C12orf42: variants seen among roughly 807,000 people sequenced by gnomAD.
The protein encoded by C12orf42 is uncharacterized protein C12orf42.
In C12orf42, 25 loss-of-function variants were observed where a neutral mutation model predicts 21.6. The ratio of observed to expected loss-of-function variants is 1.16; its 90% CI spans 0.84 to 1.62. C12orf42 has a LOEUF of 1.62. Ranked by LOEUF, C12orf42 falls within the 40% of genes most tolerant of loss-of-function variation. The pLI, the probability that C12orf42 is intolerant of heterozygous loss-of-function variation, is 0.00. For synonymous variants in C12orf42, 174 were observed against 175.0 expected (o/e 0.99, Z 0.05); for missense variants, 483 against 459.3 (o/e 1.05, Z -0.47).
At chr12:103,215,305 A>G in the C12orf42 span, among the ~76,000 whole-genome samples, 3 of 151,958 alleles carry the variant, frequency 2.0e-5, no homozygotes, top group East Asian at 5.8e-4. Context: ...TACATATATT[A>G]ATATTAATAC....
At chr12:103,294,583 G>GGAAGGAAAGAAAGAAAAA (rs1300203895) in intron 4 of C12orf42, among the ~76,000 whole-genome samples, 102 of 80,356 alleles carry the variant, frequency 1.3e-3, no homozygotes, top group African/African-American at 5.0e-3. Context: ...AAGGAAGGAA[G>GGAAGGAAAGAAAGAAAAA]GAAAGAAAGA....
chr12:103,541,784 C>T, the C12orf42 span, among the ~76,000 whole-genome samples: 1 of 151,692 alleles, frequency 6.6e-6, no homozygotes, highest in South Asian at 2.1e-4. Flanking sequence ...TCATTATGGC[C>T]CCTAATTGTA....
chr12:103,391,735 A>G (rs1257250096), intron 3 of C12orf42, among the ~76,000 whole-genome samples: 1 of 151,526 alleles, frequency 6.6e-6, no homozygotes, highest in African/African-American at 2.4e-5. Flanking sequence ...GTGTGTATAT[A>G]TATATGATTG....
At chr12:103,112,914 A>G in the C12orf42 span, among the ~76,000 whole-genome samples, 1 of 152,150 alleles carries the variant, frequency 6.6e-6, no homozygotes. Flanking sequence ...GCCTACTTCT[A>G]ATCACCTCAC....
the C12orf42 span, among the ~76,000 whole-genome samples, chr12:103,531,710 T>C: frequency 2.0e-5 from 3 of 152,190 alleles, no homozygotes; most frequent in African/African-American, 7.2e-5. Flanking sequence ...TAAATTCCCA[T>C]CCAGTATCAA....
intron 4 of C12orf42, among the ~76,000 whole-genome samples, chr12:103,325,732 T>G (rs976745854): frequency 6.6e-6 from 1 of 152,240 alleles, no homozygotes; most frequent in Middle Eastern, 3.2e-3. Context: ...TCCTTTGCAC[T>G]GTGACATTGC....
chr12:103,547,174 T>A, the C12orf42 span, among the ~76,000 whole-genome samples: 1 of 152,216 alleles, frequency 6.6e-6, no homozygotes, highest in Non-Finnish European at 1.5e-5. Flanking sequence ...GCAAACAGTA[T>A]GTTTCCTTCC....
the C12orf42 span, among the ~76,000 whole-genome samples, chr12:103,190,055 C>G: frequency 6.6e-6 from 1 of 151,980 alleles, no homozygotes; most frequent in Non-Finnish European, 1.5e-5. Flanking sequence ...AAGGCAATGT[C>G]CCATCATAGG....
At chr12:103,471,135 A>C (rs893908837) in intron 2 of C12orf42, among the ~76,000 whole-genome samples, 2 of 152,094 alleles carry the variant, frequency 1.3e-5, no homozygotes, top group African/African-American at 4.8e-5. Flanking sequence ...TCCTTACTCA[A>C]CTTGTGGGCT....
chr12:103,049,898 C>T, the C12orf42 span, among the ~76,000 whole-genome samples: 3 of 152,156 alleles, frequency 2.0e-5, no homozygotes, highest in Non-Finnish European at 4.4e-5. Flanking sequence ...CAGCTCCCAC[C>T]CTCTACCCCA....
intron 10 of C12orf42, among the ~76,000 whole-genome samples, chr12:103,240,674 A>C (rs1332850483): frequency 2.0e-4 from 30 of 151,910 alleles, no homozygotes; most frequent in Admixed American, 2.0e-3. Context: ...CTCAAAATTC[A>C]CTCCAATATT....
At chr12:103,496,896 G>A (rs1306657165), upstream of C12orf42, among the ~76,000 whole-genome samples, 1 of 150,448 alleles carries the variant, frequency 6.6e-6, no homozygotes, top group African/African-American at 2.4e-5. Flanking sequence ...CTCTTGGGAA[G>A]CCAACAGCCT....
At chr12:103,277,428 T>C (rs1178833673) in intron 4 of C12orf42, among the ~76,000 whole-genome samples, 1 of 152,134 alleles carries the variant, frequency 6.6e-6, no homozygotes, top group African/African-American at 2.4e-5. Flanking sequence ...GCATTATGGT[T>C]CATTTAGCTT....
At chr12:103,125,989 G>C in the C12orf42 span, among the ~76,000 whole-genome samples, 1 of 152,194 alleles carries the variant, frequency 6.6e-6, no homozygotes, top group Non-Finnish European at 1.5e-5. Flanking sequence ...CCCTAACTCA[G>C]AGTTACTATG....
At chr12:103,479,967 G>A (rs1159888015) in intron 1 of C12orf42, among the ~76,000 whole-genome samples, 1 of 151,836 alleles carries the variant, frequency 6.6e-6, no homozygotes, top group Non-Finnish European at 1.5e-5. Flanking sequence ...AACATTTGGA[G>A]AATATTCTCT....
the C12orf42 span, among the ~76,000 whole-genome samples, chr12:103,107,337 A>G: frequency 2.6e-5 from 4 of 151,970 alleles, no homozygotes; most frequent in Non-Finnish European, 5.9e-5. Context: ...AAGTAAGCAC[A>G]CCGTTAACAT....
At chr12:103,396,332 C>T (rs2047531066) in intron 3 of C12orf42, among the ~76,000 whole-genome samples, 1 of 152,102 alleles carries the variant, frequency 6.6e-6, no homozygotes, top group Non-Finnish European at 1.5e-5. Flanking sequence ...TCTCCTTCAC[C>T]TTTCACCATG....
upstream of C12orf42, among the ~76,000 whole-genome samples, chr12:103,499,669 A>G (rs2138281491): frequency 6.6e-6 from 1 of 152,364 alleles, no homozygotes; most frequent in Admixed American, 6.5e-5. Flanking sequence ...AAATCCAAAC[A>G]GGATAAAACT....
chr12:103,054,793 G>A, the C12orf42 span, among the ~76,000 whole-genome samples: 4 of 151,624 alleles, frequency 2.6e-5, no homozygotes, highest in East Asian at 5.8e-4. Flanking sequence ...AAATAGCATC[G>A]GATTTTATCA....
Sources: allele counts gnomAD v4.1 joint callset (sites outside exome capture counted in the v4.1 genomes callset), GRCh38; gene constraint gnomAD v4.1.1; transcripts MANE v1.5; gene names NCBI Gene and HGNC (gene_info 2026-07-23, HGNC 2026-07-21).